The following RGSL1 variants were observed in gnomAD, a reference collection of about 807,000 sequenced individuals.
RGSL1 encodes regulator of G protein signaling protein-like.
Under a neutral mutation model 124.7 loss-of-function variants are expected in RGSL1, and 97 were observed. The observed-to-expected ratio is 0.78, with a 90% CI of 0.66 to 0.92. The LOEUF (loss-of-function observed/expected upper bound fraction) is 0.92, where lower values mean the gene tolerates loss of function less well. Among genes scored for constraint, RGSL1 ranks in the 40% least tolerant of loss-of-function variants. The pLI is 0.00. For missense variants in RGSL1, 1,233 were observed against 1,288.4 expected (o/e 0.96, Z 0.66); for synonymous variants, 424 against 438.1 (o/e 0.97, Z 0.40).
At chr1:182,528,663 C>T (rs1050346096) in intron 11 of RGSL1, among the ~76,000 whole-genome samples, 3 of 152,182 alleles carry the variant, frequency 2.0e-5, no homozygotes, top group Non-Finnish European at 4.4e-5. Context: ...TTTGACTTCA[C>T]GTCTCACATC....
intron 10 of RGSL1, among the ~76,000 whole-genome samples, chr1:182,525,356 T>G (rs1288718513): frequency 6.6e-6 from 1 of 151,934 alleles, no homozygotes; most frequent in Non-Finnish European, 1.5e-5. Context: ...AGCAATAGGT[T>G]CAACAAACTA....
chr1:182,544,940 C>T (rs1660118301), intron 15 of RGSL1, among the ~76,000 whole-genome samples: 1 of 151,974 alleles, frequency 6.6e-6, no homozygotes, highest in Admixed American at 6.5e-5. Flanking sequence ...TTTCTTTATC[C>T]ATTCAGCCAC....
chr1:182,452,660 T>C (rs1651944618), intron 1 of RGSL1, among the ~76,000 whole-genome samples: 1 of 152,082 alleles, frequency 6.6e-6, no homozygotes, highest in Non-Finnish European at 1.5e-5. Context: ...ATCATGTTGG[T>C]CAGCCTGGTC....
intron 2 of RGSL1, among the ~76,000 whole-genome samples, chr1:182,456,884 T>C (rs1320319837): frequency 1.3e-5 from 2 of 151,990 alleles, no homozygotes; most frequent in African/African-American, 2.4e-5. Context: ...GTTAAATGAT[T>C]TGCTGTAATC....
At chr1:182,484,142 G>C (rs1167677956) in intron 6 of RGSL1, among the ~76,000 whole-genome samples, 1 of 152,092 alleles carries the variant, frequency 6.6e-6, no homozygotes. Flanking sequence ...TAGGACTCTA[G>C]AGGGCTAGTT....
At chr1:182,506,772 G>A (rs1656836359) in intron 9 of RGSL1, among the ~76,000 whole-genome samples, 1 of 152,076 alleles carries the variant, frequency 6.6e-6, no homozygotes, top group Non-Finnish European at 1.5e-5. Context: ...AACTGCTGCT[G>A]TAATAGATGT....
chr1:182,529,985 G>A (rs113586591), intron 11 of RGSL1, among the ~76,000 whole-genome samples: 2 of 152,074 alleles, frequency 1.3e-5, no homozygotes. Context: ...CTTTAAAAAT[G>A]TATTTCCCCT....
At chr1:182,459,748 AG>A (rs1652655940) in intron 3 of RGSL1, among the ~76,000 whole-genome samples, 1 of 152,250 alleles carries the variant, frequency 6.6e-6, no homozygotes, top group African/African-American at 2.4e-5. Flanking sequence ...GGGATAAGAA[AG>A]AATTTTTTCA....
chr1:182,516,308 A>G (rs1252077595), intron 9 of RGSL1, among the ~76,000 whole-genome samples: 1 of 152,216 alleles, frequency 6.6e-6, no homozygotes, highest in Non-Finnish European at 1.5e-5. Flanking sequence ...TCTTCTACCC[A>G]GTATTTCCCG....
chr1:182,540,181 G>T (rs1571691494), intron 14 of RGSL1, 66 bp from the exon 15 acceptor site: 2 of 1,406,038 alleles, frequency 1.4e-6, no homozygotes, highest in Admixed American at 5.6e-5. Context: ...TTTTTGTTAT[G>T]CCCAGGTTGA....
intron 9 of RGSL1, among the ~76,000 whole-genome samples, chr1:182,508,207 G>A (rs1201550378): frequency 1.3e-5 from 2 of 148,784 alleles, no homozygotes; most frequent in Non-Finnish European, 3.0e-5. Flanking sequence ...CCATCTTTTT[G>A]ATAAAAAGCC....
chr1:182,473,405 T>C (rs1478343945), intron 5 of RGSL1, among the ~76,000 whole-genome samples, 170 bp from the exon 6 acceptor site: 2 of 152,188 alleles, frequency 1.3e-5, no homozygotes, highest in East Asian at 1.9e-4. Flanking sequence ...GAGAAAACCA[T>C]AAAAATGTGT....
intron 15 of RGSL1, among the ~76,000 whole-genome samples, chr1:182,542,956 T>G (rs1659982953): frequency 6.6e-6 from 1 of 152,084 alleles, no homozygotes; most frequent in African/African-American, 2.4e-5. Flanking sequence ...GTTGGTGAAG[T>G]CTTTAGGTTT....
At chr1:182,525,107 A>G (rs1343108244) in intron 10 of RGSL1, among the ~76,000 whole-genome samples, 4 of 152,224 alleles carry the variant, frequency 2.6e-5, no homozygotes, top group African/African-American at 7.2e-5. Context: ...AAAAAGCGAA[A>G]CATAAAAAGC....
At chr1:182,550,679 AAGT>A (rs60918506) in intron 17 of RGSL1, 7,137 of 164,162 alleles carry the variant, frequency 0.043, 429 homozygotes, top group African/African-American at 0.14. Flanking sequence ...GGCTGTCAGT[AAGT>A]GGCAGGGTGG....
intron 9 of RGSL1, among the ~76,000 whole-genome samples, chr1:182,519,485 TTC>T (rs1491231827): frequency 2.7e-5 from 1 of 37,148 alleles, no homozygotes; most frequent in Non-Finnish European, 6.9e-5. Flanking sequence ...AAGAAAATAG[TTC>T]TTTTTTTCCC....
At chr1:182,480,466 T>G (rs1654619444) in intron 6 of RGSL1, among the ~76,000 whole-genome samples, 3 of 151,876 alleles carry the variant, frequency 2.0e-5, no homozygotes, top group Non-Finnish European at 4.4e-5. Context: ...ACAAGTTTTT[T>G]TTTTTTTTTG....
upstream of RGSL1, chr1:182,448,424 A>G (rs546316129): frequency 2.6e-5 from 4 of 152,268 alleles, no homozygotes; most frequent in African/African-American, 4.8e-5. Context: ...GGGTTTCCCC[A>G]TGTTGGCCAG....
chr1:182,479,147 T>C (rs1221955372), intron 6 of RGSL1, among the ~76,000 whole-genome samples: 1 of 152,116 alleles, frequency 6.6e-6, no homozygotes, highest in African/African-American at 2.4e-5. Flanking sequence ...CAAAAGCATG[T>C]GAAAGTATAA....
Sources: gnomAD v4.1 joint callset for allele counts (sites outside exome capture counted in the v4.1 genomes callset) on GRCh38, gnomAD v4.1.1 for gene constraint, MANE v1.5 for transcripts, NCBI Gene and HGNC (gene_info 2026-07-23, HGNC 2026-07-21) for gene names.